SORL1: variants seen among roughly 807,000 people sequenced by gnomAD.
SORL1 encodes sortilin related receptor 1.
SORL1 carries 127 observed loss-of-function variants against 273.7 expected under a neutral mutation model. The observed-to-expected ratio is 0.46, with a 90% CI of 0.40 to 0.54. SORL1 has a LOEUF of 0.54. Among genes scored for constraint, SORL1 ranks in the 20% least tolerant of loss-of-function variants. SORL1 has a pLI of 0.00. For missense variants in SORL1, 2,494 were observed against 2,846.1 expected, an observed-to-expected ratio of 0.88 and a Z score of 2.81; for synonymous variants, 1,031 against 1,067.4, an observed-to-expected ratio of 0.97 and a Z score of 0.66.
At chr11:121,572,755 C>G (rs1862862168) in intron 23 of SORL1, among the ~76,000 whole-genome samples, 1 of 152,076 alleles carries the variant, frequency 6.6e-6, no homozygotes, top group Admixed American at 6.5e-5. Flanking sequence ...GTTTCCCTCC[C>G]TCTTACACAG....
intron 47 of SORL1, chr11:121,629,256 G>A (rs1863840173): frequency 4.1e-6 from 2 of 492,974 alleles, no homozygotes; most frequent in South Asian, 7.2e-5. Context: ...TCCTAATTTG[G>A]CTACGTTCAA....
chr11:121,604,130 G>T, intron 32 of SORL1, 63 bp from the exon 33 acceptor site: 1 of 1,584,666 alleles, frequency 6.3e-7, no homozygotes, highest in Non-Finnish European at 8.6e-7. Flanking sequence ...AATAAACTTG[G>T]GCCCAGCCTT....
intron 3 of SORL1, among the ~76,000 whole-genome samples, chr11:121,478,899 T>C (rs748727786): frequency 4.6e-5 from 7 of 151,602 alleles, no homozygotes; most frequent in Non-Finnish European, 7.4e-5. Flanking sequence ...TGCTTGTGTG[T>C]GTGTGCAGAT....
intron 24 of SORL1, 108 bp downstream of exon 24, chr11:121,574,471 T>C: frequency 9.8e-7 from 1 of 1,021,362 alleles, no homozygotes; most frequent in Non-Finnish European, 1.5e-6. Context: ...GTCTCAGGAT[T>C]TATGATATTC....
intron 10 of SORL1, 59 bp from the exon 11 acceptor site, chr11:121,522,857 C>A: frequency 6.7e-7 from 1 of 1,492,412 alleles, no homozygotes; most frequent in South Asian, 1.1e-5. Flanking sequence ...TCTGGCTGGG[C>A]AAGGTGATTA....
intron 11 of SORL1, among the ~76,000 whole-genome samples, chr11:121,528,333 C>T (rs1862154108): frequency 6.6e-6 from 1 of 152,100 alleles, no homozygotes; most frequent in Admixed American, 6.5e-5. Context: ...ACTGGGCATA[C>T]CTGTGATCCC....
intron 1 of SORL1, among the ~76,000 whole-genome samples, chr11:121,458,672 G>A (rs532682290): frequency 7.2e-5 from 11 of 152,228 alleles, no homozygotes; most frequent in African/African-American, 2.4e-5. Context: ...AGTTAATTTC[G>A]ACCTAATTTA....
At chr11:121,579,428 G>A (rs919531617) in intron 25 of SORL1, among the ~76,000 whole-genome samples, 3 of 152,206 alleles carry the variant, frequency 2.0e-5, no homozygotes, top group Non-Finnish European at 2.9e-5. Flanking sequence ...GCTTGGATGC[G>A]CACTCTGCTG....
intron 33 of SORL1, among the ~76,000 whole-genome samples, chr11:121,604,754 G>GA (rs996222919): frequency 4.6e-5 from 7 of 152,078 alleles, no homozygotes; most frequent in African/African-American, 1.7e-4. Context: ...AAATTCGAGG[G>GA]AAAATATCAC....
chr11:121,498,010 A>G (rs1479126162), intron 6 of SORL1, among the ~76,000 whole-genome samples: 1 of 152,222 alleles, frequency 6.6e-6, no homozygotes, highest in Non-Finnish European at 1.5e-5. Flanking sequence ...CCCAGCAGGA[A>G]AAGCAGGGAG....
rs1183079301 is a variant in SORL1, at chr11:121,452,931, A to G, written c.285+315A>G. ...GCAGCTTCATTTTACATCTGGATAA[A>G]AAACGGGCTTTCTTTAGTGTATCAT... is the stretch of plus-strand genomic sequence containing the variant. On this transcript the variant is annotated intron_variant, in intron 1 of 47. Transcript: ENST00000260197. The surrounding 1 kb of genome is among the most constrained non-coding windows in gnomAD (Gnocchi z 5.3). 6.7e-6 allele frequency: 2 copies of G among 298,590 alleles called. No homozygotes were observed. The highest frequency in any genetic ancestry group is 1.2e-5 in the Non-Finnish European group (2 of 161,982). The allele number at this position is 298,590 out of a possible 1,614,324, so 18.5% of individuals were successfully genotyped here. A position where few individuals can be genotyped will look rare whatever the true frequency, so the allele number is the denominator to read the frequency against.
At chr11:121,622,337 T>C in intron 45 of SORL1, 69 bp downstream of exon 45, 1 of 834,798 alleles carries the variant, frequency 1.2e-6, no homozygotes, top group Non-Finnish European at 2.0e-6. Context: ...GATGAGCTTG[T>C]TGACAGCATG....
At chr11:121,473,099 T>C (rs1176756999) in intron 2 of SORL1, among the ~76,000 whole-genome samples, 2 of 152,176 alleles carry the variant, frequency 1.3e-5, no homozygotes, top group Non-Finnish European at 2.9e-5. Flanking sequence ...GTGAGATGCC[T>C]GATGTAAAAA....
intron 7 of SORL1, 83 bp from the exon 8 acceptor site, chr11:121,514,069 A>G (rs2096129445): frequency 7.0e-7 from 1 of 1,422,490 alleles, no homozygotes; most frequent in Non-Finnish European, 9.6e-7. Context: ...AACATTTGAA[A>G]GTCATTGCTT....
chr11:121,491,648 A>G (rs1176598096), intron 5 of SORL1, among the ~76,000 whole-genome samples: 1 of 152,230 alleles, frequency 6.6e-6, no homozygotes, highest in Non-Finnish European at 1.5e-5. Context: ...TCATTCTATC[A>G]GGAAATCCTA....
intron 28 of SORL1, among the ~76,000 whole-genome samples, 159 bp from the exon 29 acceptor site, chr11:121,589,100 G>C (rs904058712): frequency 6.6e-6 from 1 of 152,206 alleles, no homozygotes; most frequent in Non-Finnish European, 1.5e-5. Context: ...TGTGTGCTCT[G>C]TTTAGATTAG....
intron 22 of SORL1, among the ~76,000 whole-genome samples, chr11:121,568,974 G>A (rs370157119): frequency 3.3e-5 from 5 of 152,286 alleles, no homozygotes; most frequent in South Asian, 2.1e-4. Flanking sequence ...CCGGGACCCC[G>A]AACGGAGGGA....
chr11:121,586,628 G>C (rs1006885181), intron 27 of SORL1, among the ~76,000 whole-genome samples: 1 of 137,614 alleles, frequency 7.3e-6, no homozygotes, highest in Non-Finnish European at 1.5e-5. Flanking sequence ...CAGTTGTTTT[G>C]AATCGGCCAC....
At chr11:121,605,045 A>G (rs1863448062) in intron 33 of SORL1, 68 bp from the exon 34 acceptor site, 1 of 1,413,982 alleles carries the variant, frequency 7.1e-7, no homozygotes, top group African/African-American at 1.4e-5. Flanking sequence ...TGCTAGGATT[A>G]CAGGCGTGAG....
Sources: allele counts gnomAD v4.1 joint callset (sites outside exome capture counted in the v4.1 genomes callset), GRCh38; gene constraint gnomAD v4.1.1; non-coding constraint Gnocchi (gnomAD v3.1); transcripts MANE v1.5; gene names NCBI Gene and HGNC (gene_info 2026-07-23, HGNC 2026-07-21).